The following COL6A5 variants were observed in gnomAD, a reference collection of about 807,000 sequenced individuals.
The protein encoded by COL6A5 is collagen alpha-5(VI) chain.
In COL6A5, 48 loss-of-function variants were observed where a neutral mutation model predicts 65.6. That is an observed-to-expected ratio of 0.73 (90% CI 0.58 to 0.93). The LOEUF (loss-of-function observed/expected upper bound fraction) is 0.93. COL6A5 is among the 40% of genes least tolerant of loss of function. The pLI, the probability that COL6A5 is intolerant of heterozygous loss-of-function variation, is 0.00. For missense variants in COL6A5, 914 were observed against 928.3 expected (o/e 0.98, Z 0.20); for synonymous variants, 291 against 322.8 (o/e 0.90, Z 1.05).
chr3:130,474,856 AG>A (rs71620084), intron 7 of COL6A5, among the ~76,000 whole-genome samples: 8,474 of 151,746 alleles, frequency 0.056, 348 homozygotes, highest in Middle Eastern at 0.1. Flanking sequence ...ACAACAAATT[AG>A]TTGGATGTGG....
chr3:130,392,429 C>T (rs1375186677), intron 7 of COL6A5, among the ~76,000 whole-genome samples: 1 of 152,066 alleles, frequency 6.6e-6, no homozygotes, highest in Admixed American at 6.6e-5. Context: ...TGACACTTGC[C>T]ACTTGTGGTC....
chr3:130,404,854 A>T (rs978550486), intron 13 of COL6A5, among the ~76,000 whole-genome samples: 2 of 152,246 alleles, frequency 1.3e-5, no homozygotes, highest in South Asian at 2.1e-4. Flanking sequence ...GCAAAATGTA[A>T]GCACCTGTTA....
In COL6A5 at chr3:130,391,650, G is replaced by A; in HGVS notation, c.2888G>A (p.Gly963Asp). ...AAGGCCAACCAAAAGGAACTTGAGGGTATGGCAGGGAATAAAAACAATACT... is the reference window on the plus strand; with the variant it reads ...AAGGCCAACCAAAAGGAACTTGAGGATATGGCAGGGAATAAAAACAATACT... The change falls in exon 7 of 42, where the codon GGT (glycine) becomes GAT (aspartate). Residue 963 changes from glycine (G) to aspartate (D), a missense_variant and NMD_transcript_variant. Gly to Asp is a moderately conservative substitution (Grantham distance 94). Coordinates refer to the COL6A5 transcript ENST00000312481. The A allele has an allele frequency of 1.9e-6, 3 of 1,551,634 alleles. 1 individual carries two copies. The South Asian group carries it at 3.6e-5, about 18-fold the overall frequency.
chr3:130,403,306 T>C (rs1393809524), intron 12 of COL6A5, among the ~76,000 whole-genome samples: 3 of 152,180 alleles, frequency 2.0e-5, no homozygotes, highest in Non-Finnish European at 2.9e-5. Context: ...GGTACAGCTG[T>C]CCTCCCTGCA....
In COL6A5 at chr3:130,372,357, A is replaced by C. The variant is rs965179657; in HGVS notation, c.-28-1254A>C. 4.6e-5 allele frequency among the ~76,000 whole-genome samples: 7 copies of C among 152,182 alleles called. No individual in the cohort carries two copies. In the South Asian group the frequency reaches 1.4e-3, roughly 32 times the overall value. ...AAAATATATATTCACACCAGCATGTACATAAGTGTTCATAGCAGTATTATT... is the reference window on the plus strand; with the variant it reads ...AAAATATATATTCACACCAGCATGTCCATAAGTGTTCATAGCAGTATTATT... On this transcript the variant is annotated intron_variant and NMD_transcript_variant, in intron 1 of 41. Transcript: ENST00000312481.
chr3:130,365,048 A>G (rs1935281301), intron 1 of COL6A5, among the ~76,000 whole-genome samples: 1 of 152,200 alleles, frequency 6.6e-6, no homozygotes, highest in African/African-American at 2.4e-5. Context: ...CAAAACCTGT[A>G]TACTGGCTGA....
exon 16 of COL6A5, chr3:130,406,143 G>A (rs1425968730): frequency 3.0e-5 from 46 of 1,550,408 alleles, no homozygotes; most frequent in Non-Finnish European, 3.8e-5. Flanking sequence ...AGGTCATGGA[G>A]ACGATGGGAT....
At chr3:130,458,471 A>T (rs1709627434) in intron 5 of COL6A5, among the ~76,000 whole-genome samples, 1 of 152,150 alleles carries the variant, frequency 6.6e-6, no homozygotes, top group Non-Finnish European at 1.5e-5. Context: ...GATTCTCAGC[A>T]CTTGTCCTAG....
chr3:130,410,206 A>T, intron 19 of COL6A5, 132 bp downstream of exon 19: 1 of 707,304 alleles, frequency 1.4e-6, no homozygotes, highest in Admixed American at 2.9e-5. Context: ...TTATTTTTTG[A>T]TGATGCATAT....
At chr3:130,372,403 A>ATGTT (rs1935600588) in intron 1 of COL6A5, among the ~76,000 whole-genome samples, 1 of 152,082 alleles carries the variant, frequency 6.6e-6, no homozygotes, top group African/African-American at 2.4e-5. Flanking sequence ...CAAAGTAGAA[A>ATGTT]CAACCCAAAT....
chr3:130,469,541 C>T, intron 6 of COL6A5, 60 bp downstream of exon 38: 1 of 1,314,410 alleles, frequency 7.6e-7, no homozygotes, highest in African/African-American at 1.5e-5. Flanking sequence ...TGTGTACAGT[C>T]CATCAGCAGA....
intron 4 of COL6A5, among the ~76,000 whole-genome samples, chr3:130,453,822 C>T (rs937207509): frequency 2.6e-5 from 4 of 152,064 alleles, no homozygotes; most frequent in African/African-American, 9.7e-5. Context: ...CTTTGATACA[C>T]CCAGGAGCAA....
At chr3:130,430,916 T>C (rs1406444435), upstream of COL6A5, among the ~76,000 whole-genome samples, 1 of 152,220 alleles carries the variant, frequency 6.6e-6, no homozygotes, top group Admixed American at 6.5e-5. Flanking sequence ...AATGTTATGC[T>C]GCATTTCATG....
intron 20 of COL6A5, among the ~76,000 whole-genome samples, chr3:130,412,799 A>G: frequency 6.6e-6 from 1 of 152,188 alleles, no homozygotes; most frequent in East Asian, 1.9e-4. Flanking sequence ...CTGATACTTG[A>G]TCTGATAGTT....
intron 7 of COL6A5, among the ~76,000 whole-genome samples, chr3:130,394,459 A>G (rs557680934): frequency 1.1e-4 from 16 of 152,338 alleles, no homozygotes; most frequent in African/African-American, 2.9e-4. Context: ...CTACTCCTCA[A>G]TATGAATGTA....
In COL6A5 at chr3:130,447,502, A is replaced by C. The variant is rs138550348; in HGVS notation, c.1332+3936A>C. On this transcript the variant is annotated intron_variant, in intron 4 of 7. Transcript: ENST00000512836. ...GAACTCCTGAGCTTCTTGGATTGTA[A>C]AAGAGACCAAACAGTCGACTTTATG... is the stretch of plus-strand genomic sequence containing the variant. 1.8e-3 allele frequency among the ~76,000 whole-genome samples: 277 copies of C among 152,262 alleles called. 2 individuals carry two copies. Among genetic ancestry groups the C allele is most frequent in the African/African-American group, 6.4e-3 (267 of 41,572 alleles).
chr3:130,350,158 T>C (rs1337635956), intron 1 of COL6A5, among the ~76,000 whole-genome samples: 1 of 152,124 alleles, frequency 6.6e-6, no homozygotes, highest in Non-Finnish European at 1.5e-5. Context: ...GTTCTGTTAA[T>C]ATAGAAGGAG....
chr3:130,426,211 T>TA lies in COL6A5; in HGVS notation c.5164-2dup. The TA allele has an allele frequency of 6.4e-7, 1 of 1,551,142 alleles. No homozygotes were observed. Among genetic ancestry groups the TA allele is most frequent in the Non-Finnish European group, 8.7e-7 (1 of 1,146,610 alleles). Reference sequence around the variant, plus strand: ...TAACTTGCTCTGTTTTTGTTTTTCCTAGGGCATTAAAGGCATGGCAGGGCA... The same window carrying TA: ...TAACTTGCTCTGTTTTTGTTTTTCCTAAGGGCATTAAAGGCATGGCAGGGCA... On this transcript the variant is annotated splice_region_variant and splice_polypyrimidine_tract_variant and intron_variant and NMD_transcript_variant, in intron 29 of 41. Transcript: ENST00000312481.
chr3:130,430,121 C>T (rs1937740572), upstream of COL6A5, among the ~76,000 whole-genome samples: 1 of 152,172 alleles, frequency 6.6e-6, no homozygotes, highest in South Asian at 2.1e-4. Context: ...ATGTCAATTT[C>T]AAAACCTCCT....
Sources: allele counts gnomAD v4.1 joint callset (sites outside exome capture counted in the v4.1 genomes callset), GRCh38; gene constraint gnomAD v4.1.1; transcripts MANE v1.5; gene names NCBI Gene and HGNC (gene_info 2026-07-23, HGNC 2026-07-21).